FAT1: variants seen among roughly 807,000 people sequenced by gnomAD.
FAT1 encodes the protein FAT atypical cadherin 1, also known as protocadherin Fat 1.
A neutral mutation model predicts 329.8 loss-of-function variants in FAT1; 171 were observed. The observed-to-expected ratio is 0.52, with a 90% CI of 0.46 to 0.59. FAT1 has a LOEUF of 0.59. Ranked by LOEUF, FAT1 falls within the 20% of genes least tolerant of loss-of-function variation. The pLI, the probability that FAT1 is intolerant of heterozygous loss-of-function variation, is 0.00. For synonymous variants in FAT1, 2,233 were observed against 2,228.6 expected (o/e 1.00, Z -0.06); for missense variants, 5,672 against 5,774.4 (o/e 0.98, Z 0.57).
chr4:186,698,039 C>G (rs574328889), intron 2 of FAT1, among the ~76,000 whole-genome samples: 2 of 152,210 alleles, frequency 1.3e-5, no homozygotes, highest in African/African-American at 4.8e-5. Context: ...TACAAATAGG[C>G]GTCCAGGGTG....
rs534206270 is a variant in FAT1 at position 186,704,355 on chromosome 4, T to A, written c.3265+2208A>T. 2.0e-5 allele frequency among the ~76,000 whole-genome samples: 3 copies of A among 152,296 alleles called. No homozygotes were observed. The South Asian group carries it at 6.2e-4, about 32-fold the overall frequency. On this transcript the variant is annotated intron_variant, in intron 2 of 26. Transcript: ENST00000441802. ...GTTTGGCTGGTTGTTTCCTTATTTT[T>A]TTTTTCTTGGTAGTAAAAATATCCC...
intron 24 of FAT1, 38 bp from the exon 25 acceptor site, chr4:186,597,209 G>C (rs2126396590): frequency 6.5e-7 from 1 of 1,527,368 alleles, no homozygotes; most frequent in Non-Finnish European, 8.8e-7. Flanking sequence ...GACCTCTGTA[G>C]CATACGCCAG....
In FAT1 at chr4:186,633,652, T is replaced by C. The variant is rs754136322; in HGVS notation, c.4323+32A>G. On this transcript the variant is annotated intron_variant, in intron 7 of 26. Transcript: ENST00000441802. ...AGTCAGAACGTTATCTCCATCCTCC[T>C]CTGACAAGTGTGTCATTAGTAATTC... 8 of 1,613,246 alleles carry C rather than the reference T, an allele frequency of 5.0e-6. No individual in the cohort carries two copies. In the Admixed American group the frequency reaches 1.3e-4, roughly 27 times the overall value.
intron 3 of FAT1, among the ~76,000 whole-genome samples, chr4:186,655,890 C>G (rs1445754536): frequency 6.6e-6 from 1 of 152,210 alleles, no homozygotes; most frequent in Non-Finnish European, 1.5e-5. Flanking sequence ...ACACTAGTTG[C>G]CTCTAAGTAG....
intron 2 of FAT1, among the ~76,000 whole-genome samples, 171 bp from the exon 3 acceptor site, chr4:186,663,784 T>C (rs1742301015): frequency 6.6e-6 from 1 of 152,182 alleles, no homozygotes; most frequent in South Asian, 2.1e-4. Context: ...TCTTCTAAAA[T>C]AGAGACAATA....
At chr4:186,589,510 C>G (rs1424067431) in intron 26 of FAT1, among the ~76,000 whole-genome samples, 7 of 152,130 alleles carry the variant, frequency 4.6e-5, no homozygotes, top group Admixed American at 1.3e-4. Context: ...ATGCTAGCAT[C>G]TAAATTATAT....
chr4:186,601,330 C>T lies in FAT1; in HGVS notation c.11579G>A (p.Arg3860Lys), dbSNP rs759213147. The T allele has an allele frequency of 8.1e-6, 13 of 1,613,136 alleles. No homozygotes were observed. The highest frequency in any genetic ancestry group is 1.7e-4 in the Middle Eastern group (1 of 6,056). The part of the protein sequence containing the change: ...KLEMKLTMRL[R>K]TYSTHAVVMY... ...GACAACCGCATGCGTGGAATATGTTCTGAGCCTCATGGTCAGTTTCATCTC... is the reference window on the plus strand; with the variant it reads ...GACAACCGCATGCGTGGAATATGTTTTGAGCCTCATGGTCAGTTTCATCTC... Residue 3860 changes from arginine to lysine, a missense_variant, in exon 21 of 27, where the codon AGA (arginine) becomes AAA (lysine). Arg to Lys is a conservative substitution (Grantham distance 26). Transcript: ENST00000441802.
chr4:186,636,261 A>C (rs1310740237), intron 5 of FAT1, 26 bp from the exon 6 acceptor site: 3 of 1,600,112 alleles, frequency 1.9e-6, no homozygotes, highest in Non-Finnish European at 2.6e-6. Context: ...AGAGGGGATT[A>C]AAAACAGCAA....
Position 186,723,799 on chromosome 4 carries a change from G to GTTCCCGCGCC in FAT1, c.-155_-154insGGCGCGGGAA, listed in dbSNP as rs1745581701. The GTTCCCGCGCC allele has an allele frequency of 7.5e-6, 1 of 132,586 alleles. No individual in the cohort carries two copies. The highest frequency in any genetic ancestry group is 2.7e-4 in the South Asian group (1 of 3,656). 8.2% of individuals were successfully genotyped at this position (132,586 alleles called of 1,614,324 possible). On this transcript the variant is annotated 5_prime_UTR_variant, in exon 1 of 27. Coordinates refer to ENST00000441802, the MANE Select transcript of FAT1 (RefSeq NM_005245.4). ...CCGCATGGTACCTGCCGCACGAGCCGCTCCCGCGCCCTCTCCCCGCGCCCG... is the reference window on the plus strand; with the variant it reads ...CCGCATGGTACCTGCCGCACGAGCCGTTCCCGCGCCCTCCCGCGCCCTCTCCCCGCGCCCG...
intron 1 of FAT1, among the ~76,000 whole-genome samples, chr4:186,721,865 TTTTCTTTTTTTTC>T: frequency 6.6e-6 from 1 of 151,990 alleles, no homozygotes; most frequent in African/African-American, 2.4e-5. Context: ...CTTCTTTTTC[TTTTCTTTTTTTTC>T]CCCAGGCTGA....
chr4:186,671,420 G>A (rs575688795), intron 2 of FAT1, among the ~76,000 whole-genome samples: 54 of 152,084 alleles, frequency 3.6e-4, no homozygotes, highest in African/African-American at 1.2e-3. Flanking sequence ...TAACTGGGCC[G>A]GGCATGGTGG....
intron 2 of FAT1, among the ~76,000 whole-genome samples, chr4:186,704,879 C>A (rs1156769634): frequency 2.6e-5 from 4 of 151,324 alleles, no homozygotes; most frequent in African/African-American, 9.7e-5. Context: ...GGCACATAAC[C>A]AACAGAGAAA....
In FAT1 at chr4:186,588,491, T is replaced by C; in HGVS notation, c.*101A>G. The C allele has an allele frequency of 7.1e-7, 1 of 1,416,726 alleles. No individual in the cohort carries two copies. The allele number at this position is 1,416,726 out of a possible 1,614,324, so 87.8% of individuals were successfully genotyped here. ...TCCAGCGCAGCCATGCCCATTCGGC[T>C]CACCAAAAAAAGCTTGGAAGCACTG... On this transcript the variant is annotated 3_prime_UTR_variant, in exon 27 of 27. Coordinates refer to ENST00000441802, the MANE Select transcript of FAT1 (RefSeq NM_005245.4).
At chr4:186,630,246 T>C (rs1354148648) in intron 7 of FAT1, among the ~76,000 whole-genome samples, 1 of 152,010 alleles carries the variant, frequency 6.6e-6, no homozygotes, top group African/African-American at 2.4e-5. Context: ...GGCTGAGATA[T>C]TCAGAAAGCT....
intron 3 of FAT1, among the ~76,000 whole-genome samples, chr4:186,646,534 A>T (rs1741392535): frequency 6.6e-6 from 1 of 152,146 alleles, no homozygotes; most frequent in Non-Finnish European, 1.5e-5. Flanking sequence ...TTTTAAATTT[A>T]AATAATTTAA....
At chr4:186,639,912 G>A in intron 3 of FAT1, 129 bp from the exon 4 acceptor site, 1 of 703,424 alleles carries the variant, frequency 1.4e-6, no homozygotes, top group Non-Finnish European at 2.4e-6. Flanking sequence ...GAGGCCCAGG[G>A]GGGTGGATTA....
chr4:186,621,541 A>G lies in FAT1; in HGVS notation c.5045T>C (p.Ile1682Thr). 1 of 1,614,004 alleles carries G rather than the reference A, an allele frequency of 6.2e-7. No homozygotes were observed. Among genetic ancestry groups the G allele is most frequent in the Non-Finnish European group, 8.5e-7 (1 of 1,179,866 alleles). ...TGTAACCATCCCAACGAAACTCCCA[A>G]TGCTGACAGTTTCACTAAGTTCAAC... ...YSVELSETVS[I>T]GSFVGMVTAH... Residue 1682 changes from isoleucine (I) to threonine (T), a missense_variant, in exon 10 of 27, where the codon ATT becomes ACT. Coordinates refer to ENST00000441802, the MANE Select transcript of FAT1 (RefSeq NM_005245.4).
At position 186,620,328 on chromosome 4, in the gene FAT1, G is replaced by A. The variant is rs776671627; in HGVS notation, c.6258C>T (p.Tyr2086=). 6.2e-7 allele frequency: 1 copy of A among 1,614,006 alleles called. No homozygotes were observed. The highest frequency in any genetic ancestry group is 2.2e-5 in the East Asian group (1 of 44,878). ...CAGTGTCCACTTTAACAACGGCGTA[G>A]TAGGGAAGGTTGACAAACACCGGCG... ...DNAPVFVNLP[Y]YAVVKVDTEV... Residue 2086 remains tyrosine, a synonymous_variant, in exon 10 of 27, where the codon TAC becomes TAT. Transcript: ENST00000441802.
chr4:186,700,522 C>T (rs1209010249), intron 2 of FAT1, among the ~76,000 whole-genome samples: 1 of 152,156 alleles, frequency 6.6e-6, no homozygotes, highest in East Asian at 1.9e-4. Flanking sequence ...AAGATTCTTA[C>T]ATTCAAGACT....
Sources: allele counts gnomAD v4.1 joint callset (sites outside exome capture counted in the v4.1 genomes callset), GRCh38; gene constraint gnomAD v4.1.1; transcripts MANE v1.5; gene names NCBI Gene and HGNC (gene_info 2026-07-23, HGNC 2026-07-21).